LNX1: variants seen among roughly 807,000 people sequenced by gnomAD.
LNX1 encodes the protein ligand of numb-protein X 1, also known as E3 ubiquitin-protein ligase LNX.
LNX1 carries 54 observed loss-of-function variants against 68.4 expected under a neutral mutation model. The ratio of observed to expected loss-of-function variants is 0.79; its 90% CI spans 0.63 to 0.99. The LOEUF is 0.99. Ranked by LOEUF, LNX1 falls within the 50% of genes least tolerant of loss-of-function variation. LNX1 has a pLI of 0.00. For missense variants in LNX1, 906 were observed against 926.4 expected (o/e 0.98, Z 0.29); for synonymous variants, 336 against 350.0 (o/e 0.96, Z 0.45).
At chr4:53,496,597 T>G (rs1305040143) in intron 5 of LNX1, 1 of 547,780 alleles carries the variant, frequency 1.8e-6, no homozygotes, top group Non-Finnish European at 3.2e-6. Flanking sequence ...TCTCCAGGCC[T>G]CTGTGAGTAG....
At chr4:53,628,609 G>A (rs1490550050) in intron 1 of LNX1, among the ~76,000 whole-genome samples, 1 of 152,154 alleles carries the variant, frequency 6.6e-6, no homozygotes, top group Non-Finnish European at 1.5e-5. Context: ...ATTTGACGCA[G>A]CAGTCCCACT....
chr4:53,603,168 A>G (rs949786040), intron 2 of LNX1, among the ~76,000 whole-genome samples: 4 of 152,216 alleles, frequency 2.6e-5, no homozygotes, highest in African/African-American at 9.7e-5. Flanking sequence ...CAAATAAATC[A>G]GCCCTGGTTG....
intron 2 of LNX1, among the ~76,000 whole-genome samples, chr4:53,569,907 GA>G (rs1305700345): frequency 4.6e-5 from 7 of 150,754 alleles, no homozygotes; most frequent in South Asian, 2.1e-4. Context: ...AAAAACACAT[GA>G]AAAAATGCTC....
chr4:53,583,719 T>C (rs1211726869), intron 1 of LNX1, among the ~76,000 whole-genome samples: 5 of 151,842 alleles, frequency 3.3e-5, no homozygotes, highest in African/African-American at 9.7e-5. Context: ...GCGAAAAGAG[T>C]CCCAAGTGGC....
intron 9 of LNX1, among the ~76,000 whole-genome samples, chr4:53,470,724 G>A (rs2150569794): frequency 6.6e-6 from 1 of 152,198 alleles, no homozygotes; most frequent in Admixed American, 6.5e-5. Flanking sequence ...AATCATGAGT[G>A]AACTCCCATT....
intron 2 of LNX1, among the ~76,000 whole-genome samples, chr4:53,606,516 AGC>A (rs1270470408): frequency 2.6e-5 from 4 of 152,130 alleles, no homozygotes; most frequent in Admixed American, 2.6e-4. Context: ...ACAGATTCAC[AGC>A]CAAATTCTAC....
intron 2 of LNX1, among the ~76,000 whole-genome samples, chr4:53,513,278 G>A (rs1435211): frequency 0.83 from 126,358 of 152,032 alleles, 52,803 homozygotes; most frequent in South Asian, 0.94. Context: ...TATGCTTTAT[G>A]GATGTGGTCT....
chr4:53,615,782 T>A (rs1341065099), intron 2 of LNX1, among the ~76,000 whole-genome samples: 1 of 152,182 alleles, frequency 6.6e-6, no homozygotes, highest in Admixed American at 6.5e-5. Flanking sequence ...TTAGTGGGCA[T>A]ATAGTAGGTG....
chr4:53,534,659 T>A (rs1728247184), intron 2 of LNX1, among the ~76,000 whole-genome samples: 1 of 152,098 alleles, frequency 6.6e-6, no homozygotes, highest in South Asian at 2.1e-4. Context: ...ACATAATAAT[T>A]CTAGGCCCTG....
chr4:53,472,343 T>TG (rs1723255020), intron 9 of LNX1, among the ~76,000 whole-genome samples: 1 of 150,722 alleles, frequency 6.6e-6, no homozygotes, highest in South Asian at 2.1e-4. Flanking sequence ...GTTGTGGGGT[T>TG]GGGGGATGGG....
At chr4:53,518,693 G>A (rs1489072506) in intron 2 of LNX1, among the ~76,000 whole-genome samples, 1 of 152,164 alleles carries the variant, frequency 6.6e-6, no homozygotes, top group Non-Finnish European at 1.5e-5. Context: ...CAGCTGGTAA[G>A]TGGAAGGGCT....
chr4:53,472,690 AAAAAAAAAAC>A (rs1560614574), intron 9 of LNX1, among the ~76,000 whole-genome samples: 301 of 138,668 alleles, frequency 2.2e-3, no homozygotes, highest in African/African-American at 7.5e-3. Flanking sequence ...AACAACAAAA[AAAAAAAAAAC>A]AAAAAACAAT....
Position 53,460,700 on chromosome 4 carries a change from T to C in LNX1, c.*207A>G. 1.9e-6 allele frequency: 1 copy of C among 518,140 alleles called. No homozygotes were observed. Among genetic ancestry groups the C allele is most frequent in the Non-Finnish European group, 3.3e-6 (1 of 300,956 alleles). 32.1% of individuals were successfully genotyped at this position (518,140 alleles called of 1,614,324 possible). ...AATGTTGTAGAGTAATGAGAAATCC[T>C]CCACACTGAAAAAAAACTAGTAGTT... On this transcript the variant is annotated 3_prime_UTR_variant, in exon 11 of 11. Coordinates refer to ENST00000263925, the MANE Select transcript of LNX1 (RefSeq NM_001126328.3).
chr4:53,601,107 G>C (rs375798410), intron 2 of LNX1, among the ~76,000 whole-genome samples: 2 of 144,944 alleles, frequency 1.4e-5, no homozygotes, highest in Non-Finnish European at 3.0e-5. Flanking sequence ...GGGAGGGAGG[G>C]GGGGAGGGAA....
At chr4:53,592,587 A>T (rs1560685866), upstream of LNX1, among the ~76,000 whole-genome samples, 1 of 152,038 alleles carries the variant, frequency 6.6e-6, no homozygotes, top group African/African-American at 2.4e-5. Flanking sequence ...CCCAGAGAGA[A>T]TTTTTTTTCC....
intron 2 of LNX1, among the ~76,000 whole-genome samples, chr4:53,544,605 C>A (rs1426065192): frequency 6.6e-6 from 1 of 152,204 alleles, no homozygotes; most frequent in Non-Finnish European, 1.5e-5. Flanking sequence ...TCAGGGAAGA[C>A]CCTGGAGTGG....
At chr4:53,652,065 GAGAA>G (rs1735129916) in intron 1 of LNX1, 1 of 151,198 alleles carries the variant, frequency 6.6e-6, no homozygotes, top group African/African-American at 2.4e-5. Flanking sequence ...GAGAGAGACA[GAGAA>G]AGAGATAGGG....
chr4:53,600,920 A>G (rs1408978296), intron 2 of LNX1, among the ~76,000 whole-genome samples: 1 of 150,410 alleles, frequency 6.6e-6, no homozygotes, highest in Admixed American at 6.6e-5. Flanking sequence ...TCTACTAAAA[A>G]TACAAAATTT....
chr4:53,499,175 G>C (rs758886486), intron 4 of LNX1, among the ~76,000 whole-genome samples: 4 of 151,722 alleles, frequency 2.6e-5, no homozygotes, highest in African/African-American at 4.8e-5. Context: ...TTTTGTTTTT[G>C]TTTCTGTTTT....
Sources: gnomAD v4.1 joint callset for allele counts (sites outside exome capture counted in the v4.1 genomes callset) on GRCh38, gnomAD v4.1.1 for gene constraint, MANE v1.5 for transcripts, NCBI Gene and HGNC (gene_info 2026-07-23, HGNC 2026-07-21) for gene names.